Variants in FBXO25 observed in about 807,000 individuals in gnomAD.
FBXO25 encodes the protein F-box protein 25, also known as F-box only protein 25.
Under a neutral mutation model 51.9 loss-of-function variants are expected in FBXO25, and 45 were observed. The ratio of observed to expected loss-of-function variants is 0.87; its 90% CI spans 0.68 to 1.11. The LOEUF (loss-of-function observed/expected upper bound fraction) is 1.11. Ranked by LOEUF, FBXO25 falls within the 50% of genes most tolerant of loss-of-function variation. FBXO25 has a pLI of 0.00. For synonymous variants in FBXO25, 199 were observed against 151.0 expected (o/e 1.32, Z -2.33); for missense variants, 507 against 428.5 (o/e 1.18, Z -1.62).
chr8:429,870 A>C (rs1797712691), intron 2 of FBXO25, among the ~76,000 whole-genome samples: 1 of 152,236 alleles, frequency 6.6e-6, no homozygotes, highest in Admixed American at 6.5e-5. Context: ...CAGTGTGGGT[A>C]GCCCCCAGGG....
rs964279230 is a variant in FBXO25, at chr8:472,800, C to G, written c.*3996C>G. On this transcript the variant is annotated 3_prime_UTR_variant, in exon 10 of 10. Coordinates refer to ENST00000350302, the MANE Select transcript of FBXO25 (RefSeq NM_183420.2). ...AGATAAGTGGACTGTGAAACCTAGTCTGTTCTGCTTATCTTCAGAATTATC... is the reference window on the plus strand; with the variant it reads ...AGATAAGTGGACTGTGAAACCTAGTGTGTTCTGCTTATCTTCAGAATTATC... 1.3e-5 allele frequency: 2 copies of G among 152,244 alleles called. No homozygotes were observed. Among genetic ancestry groups the G allele is most frequent in the African/African-American group, 4.8e-5 (2 of 41,464 alleles). 9.4% of individuals were successfully genotyped at this position (152,244 alleles called of 1,614,324 possible).
intron 2 of FBXO25, among the ~76,000 whole-genome samples, chr8:424,362 A>G (rs1295464404): frequency 2.6e-5 from 4 of 152,058 alleles, no homozygotes; most frequent in Non-Finnish European, 5.9e-5. Flanking sequence ...AAGCTCTTTC[A>G]TTTAATTAAA....
intron 1 of FBXO25, among the ~76,000 whole-genome samples, chr8:409,616 A>G (rs940495452): frequency 1.8e-4 from 27 of 152,176 alleles, no homozygotes; most frequent in African/African-American, 6.3e-4. Flanking sequence ...CATAGTGTCT[A>G]AATAGGTAAG....
At chr8:465,452 A>C (rs938508265) in intron 9 of FBXO25, among the ~76,000 whole-genome samples, 1 of 152,192 alleles carries the variant, frequency 6.6e-6, no homozygotes, top group Non-Finnish European at 1.5e-5. Flanking sequence ...GAAGGCTTTC[A>C]GTTTTGTATG....
At chr8:433,713 A>C (rs1356528363) in intron 4 of FBXO25, among the ~76,000 whole-genome samples, 1 of 152,204 alleles carries the variant, frequency 6.6e-6, no homozygotes, top group African/African-American at 2.4e-5. Context: ...GGGGAAAATA[A>C]TTTAGGGAAT....
chr8:442,679 A>G (rs1441490998), intron 5 of FBXO25, among the ~76,000 whole-genome samples: 4 of 152,134 alleles, frequency 2.6e-5, no homozygotes, highest in Non-Finnish European at 5.9e-5. Context: ...CGTATGGGTC[A>G]GGCTGGTCTT....
chr8:435,482 T>G, intron 4 of FBXO25, 133 bp from the exon 5 acceptor site: 1 of 1,045,726 alleles, frequency 9.6e-7, no homozygotes, highest in Non-Finnish European at 1.4e-6. Context: ...CTCATCTAAA[T>G]CTAAAATCAG....
At chr8:414,468 TA>T (rs1476784511) in intron 2 of FBXO25, among the ~76,000 whole-genome samples, 1 of 152,216 alleles carries the variant, frequency 6.6e-6, no homozygotes, top group African/African-American at 2.4e-5. Flanking sequence ...AATGTCAATT[TA>T]AAAAAAGCTG....
chr8:415,997 G>A (rs1033048260), intron 2 of FBXO25, among the ~76,000 whole-genome samples: 1 of 152,184 alleles, frequency 6.6e-6, no homozygotes, highest in Non-Finnish European at 1.5e-5. Flanking sequence ...CATTTGACAA[G>A]GGAGTGTGTA....
intron 2 of FBXO25, among the ~76,000 whole-genome samples, chr8:416,181 G>A (rs1309238509): frequency 6.6e-6 from 1 of 152,188 alleles, no homozygotes; most frequent in Non-Finnish European, 1.5e-5. Context: ...CCCCCATGCG[G>A]CCCACAGCCC....
At chr8:416,952 G>C (rs779159228) in intron 2 of FBXO25, among the ~76,000 whole-genome samples, 9 of 152,216 alleles carry the variant, frequency 5.9e-5, no homozygotes, top group Non-Finnish European at 1.3e-4. Flanking sequence ...GATCTATAGA[G>C]AGTGGCCTCT....
At chr8:447,595 G>A (rs556787246) in intron 5 of FBXO25, among the ~76,000 whole-genome samples, 39 of 152,254 alleles carry the variant, frequency 2.6e-4, no homozygotes, top group African/African-American at 7.2e-4. Flanking sequence ...CTTAGAACTG[G>A]AAGTGTTTTA....
chr8:466,095 G>A (rs1456190476), intron 9 of FBXO25, among the ~76,000 whole-genome samples: 1 of 152,160 alleles, frequency 6.6e-6, no homozygotes, highest in East Asian at 1.9e-4. Context: ...TTCTCCCACT[G>A]AATATCATTC....
Position 468,818 on chromosome 8 carries a change from C to CATCCCTATTGGAGATTGTGA in FBXO25, c.*19_*38dup. On this transcript the variant is annotated 3_prime_UTR_variant, in exon 10 of 10. Transcript: ENST00000350302. ...TTCAAGTTTTAAGGGCTGCCCCTGCCATCCCTATTGGAGATTGTGAATCCT... is the reference window on the plus strand; with the variant it reads ...TTCAAGTTTTAAGGGCTGCCCCTGCCATCCCTATTGGAGATTGTGAATCCCTATTGGAGATTGTGAATCCT... 6.2e-7 allele frequency: 1 copy of CATCCCTATTGGAGATTGTGA among 1,612,478 alleles called. No homozygotes were observed. Among genetic ancestry groups the CATCCCTATTGGAGATTGTGA allele is most frequent in the Non-Finnish European group, 8.5e-7 (1 of 1,179,020 alleles).
In FBXO25 at chr8:470,362, G is replaced by C. The variant is rs1239341121; in HGVS notation, c.*1558G>C. 3 of 151,946 alleles carry C rather than the reference G, an allele frequency of 2.0e-5. No homozygotes were observed. The highest frequency in any genetic ancestry group is 4.4e-5 in the Non-Finnish European group (3 of 68,056). The allele number at this position is 151,946 out of a possible 1,614,324, so 9.4% of individuals were successfully genotyped here. A position where few individuals can be genotyped will look rare whatever the true frequency, so the allele number is the denominator to read the frequency against. ...TTGTTCATGAAAAAAAATTTTTTTG[G>C]AGTTTGTTTTTGAGACAGGGTCTTG... is the stretch of plus-strand genomic sequence containing the variant. On this transcript the variant is annotated 3_prime_UTR_variant, in exon 10 of 10. Transcript: ENST00000350302.
In FBXO25 at chr8:437,582, GC is replaced by G. The variant is rs1441361796; in HGVS notation, c.381+1876del. On this transcript the variant is annotated intron_variant, in intron 5 of 9. Transcript: ENST00000350302. ...AGTGATTTGCTCATGCTTACCTTCT[GC>G]TAAAAACAAAAACAAGAAGCAGCCT... Among the ~76,000 whole-genome samples, 6 of 152,178 alleles carry G rather than the reference GC, an allele frequency of 3.9e-5. 1 individual carries two copies. Among genetic ancestry groups the G allele is most frequent in the African/African-American group, 1.4e-4 (6 of 41,424 alleles).
chr8:414,289 G>A (rs563003700), intron 2 of FBXO25, among the ~76,000 whole-genome samples: 1 of 152,286 alleles, frequency 6.6e-6, no homozygotes, highest in East Asian at 1.9e-4. Flanking sequence ...ATTGCATAAT[G>A]TTATACAGTT....
chr8:414,233 T>A (rs140463420), intron 2 of FBXO25, among the ~76,000 whole-genome samples: 9,462 of 152,202 alleles, frequency 0.062, 323 homozygotes, highest in Middle Eastern at 0.082. Context: ...GTATTTAATG[T>A]TGATAGCTGT....
chr8:417,358 G>A (rs1796870562), intron 2 of FBXO25, among the ~76,000 whole-genome samples: 1 of 152,232 alleles, frequency 6.6e-6, no homozygotes, highest in Admixed American at 6.5e-5. Flanking sequence ...GTTCTTAAGA[G>A]GGTTGGGTTA....
Sources: allele counts gnomAD v4.1 joint callset (sites outside exome capture counted in the v4.1 genomes callset), GRCh38; gene constraint gnomAD v4.1.1; transcripts MANE v1.5; gene names NCBI Gene and HGNC (gene_info 2026-07-23, HGNC 2026-07-21).